SET: variants seen among roughly 807,000 people sequenced by gnomAD.
SET encodes the protein protein SET.
Under a neutral mutation model 39.0 loss-of-function variants are expected in SET, and 4 were observed. The observed-to-expected ratio is 0.10, with a 90% CI of 0.05 to 0.23. The LOEUF is 0.23. Among genes scored for constraint, SET ranks in the 10% least tolerant of loss-of-function variants. SET has a pLI of 1.00. For missense variants in SET, 137 were observed against 329.7 expected (o/e 0.42, Z 4.53); for synonymous variants, 114 against 115.9 (o/e 0.98, Z 0.11).
rs184486769 is a variant in SET, at chr9:128,693,518, G to A, written c.493-120G>A. ...ATTGCTCTTAGGTAATAATGGTAGCGTAGATAGTATACTGATATTTGTTTT... is the reference window on the plus strand; with the variant it reads ...ATTGCTCTTAGGTAATAATGGTAGCATAGATAGTATACTGATATTTGTTTT... On this transcript the variant is annotated intron_variant, in intron 5 of 7. Transcript: ENST00000322030. 3.6e-5 allele frequency: 37 copies of A among 1,019,596 alleles called. No homozygotes were observed. The East Asian group carries it at 8.4e-4, about 23-fold the overall frequency. The allele number at this position is 1,019,596 out of a possible 1,614,324, so 63.2% of individuals were successfully genotyped here. A position where few individuals can be genotyped will look rare whatever the true frequency, so the allele number is the denominator to read the frequency against.
chr9:128,685,893 G>A (rs773618363), upstream of SET, among the ~76,000 whole-genome samples: 5 of 152,176 alleles, frequency 3.3e-5, no homozygotes, highest in South Asian at 4.1e-4. Flanking sequence ...CAGGCGTGAC[G>A]ATGCATGCCT....
chr9:128,684,244 C>T (rs896613472), upstream of SET, among the ~76,000 whole-genome samples: 1 of 152,080 alleles, frequency 6.6e-6, no homozygotes, highest in East Asian at 1.9e-4. Context: ...AGCTTGTCTC[C>T]CCAGCCCCCA....
upstream of SET, among the ~76,000 whole-genome samples, chr9:128,686,992 A>G (rs1269924244): frequency 6.6e-6 from 1 of 152,004 alleles, no homozygotes; most frequent in Non-Finnish European, 1.5e-5. Flanking sequence ...AAATAGAAAA[A>G]CTGTTTTAAG....
chr9:128,690,050 C>G (rs1284970997), intron 1 of SET: 7 of 971,364 alleles, frequency 7.2e-6, no homozygotes, highest in Non-Finnish European at 8.6e-6. Context: ...CGGCCCCGCG[C>G]CCGACCTCCC....
At chr9:128,691,138 T>G in intron 1 of SET, 32 bp from the exon 2 acceptor site, 1 of 1,554,466 alleles carries the variant, frequency 6.4e-7, no homozygotes. Flanking sequence ...TAAATTTATC[T>G]TAGAATTAAG....
upstream of SET, among the ~76,000 whole-genome samples, chr9:128,686,018 A>G (rs1372087327): frequency 1.3e-5 from 2 of 151,542 alleles, no homozygotes; most frequent in Admixed American, 1.3e-4. Context: ...CAAGAACAAC[A>G]ACAACAACAA....
At chr9:128,688,108 G>T (rs959330841), upstream of SET, among the ~76,000 whole-genome samples, 15 of 152,004 alleles carry the variant, frequency 9.9e-5, no homozygotes, top group Admixed American at 2.0e-4. Flanking sequence ...CTACTCGGGA[G>T]GCCGAGGCAG....
upstream of SET, among the ~76,000 whole-genome samples, chr9:128,686,508 T>C (rs1327995218): frequency 6.6e-6 from 1 of 152,162 alleles, no homozygotes; most frequent in African/African-American, 2.4e-5. Flanking sequence ...GCCCTTGGCA[T>C]AGTGTTCTCA....
upstream of SET, among the ~76,000 whole-genome samples, chr9:128,686,013 AC>A (rs986056264): frequency 1.4e-4 from 21 of 151,504 alleles, no homozygotes; most frequent in African/African-American, 4.8e-4. Flanking sequence ...GGCGACAAGA[AC>A]AACAACAACA....
At chr9:128,687,249 C>A (rs576135326), upstream of SET, among the ~76,000 whole-genome samples, 8 of 151,878 alleles carry the variant, frequency 5.3e-5, no homozygotes, top group Non-Finnish European at 1.2e-4. Context: ...ATCCCAGATA[C>A]TCGGGAGGCT....
At chr9:128,684,154 G>A in intron 1 of SET, 1 of 650,160 alleles carries the variant, frequency 1.5e-6, no homozygotes, top group South Asian at 1.9e-5. Flanking sequence ...AAGTTTGCGT[G>A]AAGAACCAGA....
intron 5 of SET, among the ~76,000 whole-genome samples, chr9:128,693,326 C>T (rs1861613381): frequency 6.6e-6 from 1 of 152,162 alleles, no homozygotes; most frequent in South Asian, 2.1e-4. Flanking sequence ...TGACTGAGCT[C>T]TTCAAATGGC....
At chr9:128,689,153 G>A, upstream of SET, 1 of 533,554 alleles carries the variant, frequency 1.9e-6, no homozygotes, top group Non-Finnish European at 2.4e-6. Flanking sequence ...ATGGCGCCGC[G>A]GCGCGAGCCT....
intron 3 of SET, chr9:128,692,260 C>T (rs931175250): frequency 3.3e-5 from 12 of 361,778 alleles, no homozygotes; most frequent in African/African-American, 1.3e-4. Flanking sequence ...CGTGGTGGCG[C>T]GCGCTTGTAA....
upstream of SET, among the ~76,000 whole-genome samples, chr9:128,684,733 C>T (rs1861230545): frequency 1.3e-5 from 2 of 152,180 alleles, no homozygotes; most frequent in Non-Finnish European, 1.5e-5. Flanking sequence ...CTTTCCTCTC[C>T]TTACCTGTGC....
intron 5 of SET, 97 bp from the exon 6 acceptor site, chr9:128,693,541 T>G: frequency 7.7e-7 from 1 of 1,302,076 alleles, no homozygotes; most frequent in South Asian, 1.6e-5. Flanking sequence ...TGATATTTGT[T>G]TTGCTTAGCT....
In SET at chr9:128,695,076, C is replaced by G; in HGVS notation, c.*412C>G. ...CTGTATATTGGGCTCAGAGAGTACA[C>G]TGTGTCTCTATGTGAATATGGACAG... is the stretch of plus-strand genomic sequence containing the variant. On this transcript the variant is annotated 3_prime_UTR_variant, in exon 8 of 8. Coordinates refer to ENST00000322030, the MANE Select transcript of SET (RefSeq NM_003011.4). 1 of 230,598 alleles carries G rather than the reference C, an allele frequency of 4.3e-6. No homozygotes were observed. The highest frequency in any genetic ancestry group is 8.6e-6 in the Non-Finnish European group (1 of 115,990). 14.3% of individuals were successfully genotyped at this position (230,598 alleles called of 1,614,324 possible). A position where few individuals can be genotyped will look rare whatever the true frequency, so the allele number is the denominator to read the frequency against.
At chr9:128,684,513 G>C (rs905242596), upstream of SET, among the ~76,000 whole-genome samples, 1 of 151,952 alleles carries the variant, frequency 6.6e-6, no homozygotes, top group Non-Finnish European at 1.5e-5. Context: ...CAATCACGTG[G>C]CCCACTCCCC....
At chr9:128,685,335 T>A (rs1002546084), upstream of SET, 2 of 786,944 alleles carry the variant, frequency 2.5e-6, no homozygotes, top group Non-Finnish European at 4.3e-6. Flanking sequence ...GCCTAGCACA[T>A]CATCAGTGCT....
Sources: allele counts gnomAD v4.1 joint callset (sites outside exome capture counted in the v4.1 genomes callset), GRCh38; gene constraint gnomAD v4.1.1; transcripts MANE v1.5; gene names NCBI Gene and HGNC (gene_info 2026-07-23, HGNC 2026-07-21).